XNDC1N: variants seen among roughly 807,000 people sequenced by gnomAD.
The protein encoded by XNDC1N is protein XNDC1N.
chr11:71,890,503 A>G, the XNDC1N span, among the ~76,000 whole-genome samples: 1 of 152,074 alleles, frequency 6.6e-6, no homozygotes, highest in African/African-American at 2.4e-5. Context: ...CCCACTGGAT[A>G]CTAAAAACCA....
At chr11:71,911,037 G>C in the XNDC1N span, among the ~76,000 whole-genome samples, 1 of 152,246 alleles carries the variant, frequency 6.6e-6, no homozygotes, top group Non-Finnish European at 1.5e-5. Context: ...CCAAACTGTG[G>C]GGCCCAGGCC....
chr11:71,898,139 G>A, the XNDC1N span, among the ~76,000 whole-genome samples: 10 of 151,684 alleles, frequency 6.6e-5, no homozygotes, highest in African/African-American at 2.4e-4. Context: ...AGCCCCGATT[G>A]TGCCACTGCA....
At chr11:71,901,663 G>T in the XNDC1N span, among the ~76,000 whole-genome samples, 1 of 151,916 alleles carries the variant, frequency 6.6e-6, no homozygotes, top group South Asian at 2.1e-4. Context: ...GGAAGACCAG[G>T]AAGTATAGTA....
the XNDC1N span, among the ~76,000 whole-genome samples, chr11:71,912,213 A>C: frequency 1.8e-4 from 27 of 152,314 alleles, no homozygotes; most frequent in East Asian, 5.8e-4. Flanking sequence ...ATACGAGCTT[A>C]TGGAGCAGCC....
chr11:71,896,810 C>T, the XNDC1N span, among the ~76,000 whole-genome samples: 9 of 152,322 alleles, frequency 5.9e-5, no homozygotes, highest in African/African-American at 2.2e-4. Context: ...GTGATCCACC[C>T]GCCTCGGCCT....
the XNDC1N span, among the ~76,000 whole-genome samples, chr11:71,906,344 G>C: frequency 2.2e-4 from 33 of 151,910 alleles, no homozygotes; most frequent in African/African-American, 8.0e-4. Context: ...CATCCTTCTA[G>C]AATATCATGA....
the XNDC1N span, among the ~76,000 whole-genome samples, chr11:71,882,402 T>G: frequency 6.6e-6 from 1 of 152,226 alleles, no homozygotes; most frequent in African/African-American, 2.4e-5. Flanking sequence ...TGGCTAATTT[T>G]GTATTTTTAG....
At chr11:71,920,649 G>A in the XNDC1N span, among the ~76,000 whole-genome samples, 1 of 152,042 alleles carries the variant, frequency 6.6e-6, no homozygotes, top group Admixed American at 6.5e-5. Context: ...GTTATTCTGT[G>A]GGATAAGAAA....
chr11:71,883,591 C>T, the XNDC1N span, among the ~76,000 whole-genome samples: 1 of 152,088 alleles, frequency 6.6e-6, no homozygotes, highest in Admixed American at 6.5e-5. Flanking sequence ...AAAAGCAATT[C>T]AAAATGAACT....
At chr11:71,889,936 C>T in the XNDC1N span, among the ~76,000 whole-genome samples, 5 of 152,114 alleles carry the variant, frequency 3.3e-5, no homozygotes, top group African/African-American at 7.2e-5. Flanking sequence ...TCCTAGATTT[C>T]GACGGCCTTT....
At chr11:71,923,565 T>TG in the XNDC1N span, 1 of 567,494 alleles carries the variant, frequency 1.8e-6, no homozygotes. Context: ...GTTTTGTTTT[T>TG]TTTTTTTTGA....
At chr11:71,874,067 C>T in the XNDC1N span, among the ~76,000 whole-genome samples, 2 of 152,130 alleles carry the variant, frequency 1.3e-5, no homozygotes, top group African/African-American at 2.4e-5. Flanking sequence ...ATAATCCCAG[C>T]ACTTTGGGAG....
the XNDC1N span, among the ~76,000 whole-genome samples, chr11:71,878,836 A>C: frequency 1.3e-5 from 2 of 151,874 alleles, no homozygotes; most frequent in Non-Finnish European, 2.9e-5. Flanking sequence ...ACAAAAAAAA[A>C]AAAAATACAA....
the XNDC1N span, among the ~76,000 whole-genome samples, chr11:71,906,229 C>A: frequency 6.6e-6 from 1 of 151,518 alleles, no homozygotes; most frequent in East Asian, 1.9e-4. Flanking sequence ...CAGAATATTA[C>A]GAATAATGTC....
At chr11:71,920,250 G>C in the XNDC1N span, among the ~76,000 whole-genome samples, 1 of 151,724 alleles carries the variant, frequency 6.6e-6, no homozygotes, top group Non-Finnish European at 1.5e-5. Context: ...GAGCCACCGT[G>C]CCCGGCCCAA....
the XNDC1N span, among the ~76,000 whole-genome samples, chr11:71,868,995 T>C: frequency 6.6e-6 from 1 of 152,202 alleles, no homozygotes; most frequent in Non-Finnish European, 1.5e-5. Flanking sequence ...TTTTTCTTTA[T>C]TTTTGTCTAA....
the XNDC1N span, chr11:71,884,516 C>T: frequency 5.0e-6 from 8 of 1,609,284 alleles, no homozygotes; most frequent in Non-Finnish European, 6.8e-6. Flanking sequence ...TCAGCATCTG[C>T]TGCAAACTGA....
the XNDC1N span, among the ~76,000 whole-genome samples, chr11:71,885,325 A>T: frequency 6.6e-6 from 1 of 152,138 alleles, no homozygotes; most frequent in Admixed American, 6.5e-5. Flanking sequence ...TCATGGGAAC[A>T]ATATCCTTGG....
At chr11:71,914,874 A>C in the XNDC1N span, among the ~76,000 whole-genome samples, 1 of 152,202 alleles carries the variant, frequency 6.6e-6, no homozygotes. Flanking sequence ...TATTGAAATG[A>C]TAAAGATTTA....
Sources: gnomAD v4.1 joint callset for allele counts (sites outside exome capture counted in the v4.1 genomes callset) on GRCh38, gnomAD v4.1.1 for gene constraint, MANE v1.5 for transcripts, NCBI Gene and HGNC (gene_info 2026-07-23, HGNC 2026-07-21) for gene names.